Variants in TDRD9 observed in about 807,000 individuals in gnomAD.
TDRD9 encodes the protein ATP-dependent RNA helicase TDRD9.
Under a neutral mutation model 172.6 loss-of-function variants are expected in TDRD9, and 124 were observed. The ratio of observed to expected loss-of-function variants is 0.72; its 90% CI spans 0.62 to 0.83. TDRD9 has a LOEUF of 0.83. Among genes scored for constraint, TDRD9 ranks in the 40% least tolerant of loss-of-function variants. The pLI, the probability that TDRD9 is intolerant of heterozygous loss-of-function variation, is 0.00. For missense variants in TDRD9, 1,479 were observed against 1,714.1 expected (o/e 0.86, Z 2.42); for synonymous variants, 619 against 617.1 (o/e 1.00, Z -0.05).
At chr14:103,952,284 A>G (rs1345649931) in intron 1 of TDRD9, among the ~76,000 whole-genome samples, 4 of 110,800 alleles carry the variant, frequency 3.6e-5, no homozygotes, top group Middle Eastern at 0.01. Context: ...TCGTTCGCCC[A>G]GGCTGGAGTG....
rs556064065 is a variant in TDRD9 at position 103,947,482 on chromosome 14, C to T, written c.216-8182C>T. 2.2e-3 allele frequency among the ~76,000 whole-genome samples: 339 copies of T among 152,200 alleles called. 2 individuals carry two copies. The highest frequency in any genetic ancestry group is 7.9e-3 in the African/African-American group (327 of 41,518). On this transcript the variant is annotated intron_variant, in intron 1 of 35. Coordinates refer to ENST00000409874, the MANE Select transcript of TDRD9 (RefSeq NM_153046.3). ...AGCTGGGACTACAGGCGCCCGCCAC[C>T]ACGCCCGGCTAATTTTTTTGTATTT... is the stretch of plus-strand genomic sequence containing the variant.
chr14:103,943,422 A>G (rs4906389), intron 1 of TDRD9, among the ~76,000 whole-genome samples: 64,725 of 150,178 alleles, frequency 0.43, 14,182 homozygotes, highest in Admixed American at 0.51. Flanking sequence ...TATACACATA[A>G]GTATATATAC....
intron 7 of TDRD9, among the ~76,000 whole-genome samples, chr14:103,978,660 G>A (rs1333187340): frequency 2.6e-5 from 4 of 152,112 alleles, no homozygotes; most frequent in Non-Finnish European, 5.9e-5. Flanking sequence ...TTTTTCTCAT[G>A]GTTAAACTGA....
chr14:104,031,543 G>T (rs1252058118), intron 29 of TDRD9, among the ~76,000 whole-genome samples: 1 of 147,028 alleles, frequency 6.8e-6, no homozygotes, highest in Admixed American at 6.9e-5. Flanking sequence ...AGCACAGCGT[G>T]TGGGTTCAGA....
chr14:103,939,732 TGAAAAAAA>T (rs2031071361), intron 1 of TDRD9: 1 of 106,326 alleles, frequency 9.4e-6, no homozygotes, highest in Non-Finnish European at 1.9e-5. Context: ...CTAGTCTTTT[TGAAAAAAA>T]GTGTTTTTTT....
chr14:103,943,515 CTT>C lies in TDRD9; in HGVS notation c.216-12134_216-12133del, dbSNP rs71462605. ...CATATATACACACACACATACATTT[CTT>C]TTTTTTTTTTTTTTGTAGAAATAAG... On this transcript the variant is annotated intron_variant, in intron 1 of 35. Transcript: ENST00000409874. 2.3e-4 allele frequency among the ~76,000 whole-genome samples: 30 copies of C among 133,250 alleles called. No homozygotes were observed. In the East Asian group the frequency reaches 2.8e-3, roughly 12 times the overall value. The allele number at this position is 133,250 out of a possible 152,430, so 87.4% of individuals were successfully genotyped here.
intron 8 of TDRD9, among the ~76,000 whole-genome samples, chr14:103,988,955 A>G (rs2033774302): frequency 6.6e-6 from 1 of 151,788 alleles, no homozygotes; most frequent in Non-Finnish European, 1.5e-5. Context: ...TACCTTTACC[A>G]GTTCTCTTTC....
intron 29 of TDRD9, among the ~76,000 whole-genome samples, chr14:104,031,711 G>A (rs1027630140): frequency 6.6e-6 from 1 of 151,940 alleles, no homozygotes. Context: ...CTGTGCAACT[G>A]GGTTGGTCTG....
chr14:104,004,334 T>C lies in TDRD9; in HGVS notation c.1580T>C (p.Leu527Ser). 1 of 1,537,696 alleles carries C rather than the reference T, an allele frequency of 6.5e-7. No individual in the cohort carries two copies. Among genetic ancestry groups the C allele is most frequent in the Non-Finnish European group, 9.0e-7 (1 of 1,115,244 alleles). ...CCTGATCATGTTGTTCCTGAGATGT[T>C]GGTAATTCACTTTGGTCATTGTCAA... ...SIPDHVVPEM[L>S]RCPLGSTILK... Residue 527 changes from leucine to serine, a missense_variant and splice_region_variant, in exon 14 of 36, where the codon TTG (leucine) becomes TCG (serine). Physicochemically the swap from Leu to Ser is moderately radical, Grantham distance 145 (BLOSUM62 -2). Transcript: ENST00000409874.
At chr14:104,045,158 AG>A (rs1414959150) in intron 34 of TDRD9, among the ~76,000 whole-genome samples, 1 of 147,884 alleles carries the variant, frequency 6.8e-6, no homozygotes, top group Non-Finnish European at 1.5e-5. Flanking sequence ...AAAAAAAAAA[AG>A]GAAATAGCCA....
chr14:103,965,594 G>A (rs2032706351), intron 4 of TDRD9, 40 bp downstream of exon 4: 5 of 1,494,338 alleles, frequency 3.3e-6, no homozygotes, highest in African/African-American at 1.4e-5. Context: ...AGAGCCAGCT[G>A]TCTCTCTATT....
Position 104,004,248 on chromosome 14 carries a change from A to G in TDRD9, c.1494A>G (p.Gly498=), listed in dbSNP as rs1028920764. Residue 498 remains glycine (G), a synonymous_variant, in exon 14 of 36, where the codon GGA becomes GGG. Transcript: ENST00000409874. The part of the protein sequence containing the change: ...TSCNQRKGRA[G]RVSRGYCYRL... The stretch of plus-strand genomic sequence containing the variant: ...ATCTCTCCTTTGAAGGCCGTGCTGG[A>G]CGAGTGTCTAGAGGGTACTGTTACC... 3 of 1,582,136 alleles carry G rather than the reference A, an allele frequency of 1.9e-6. No individual in the cohort carries two copies. Among genetic ancestry groups the G allele is most frequent in the Non-Finnish European group, 2.6e-6 (3 of 1,156,632 alleles).
At chr14:103,974,439 G>T (rs1253182465) in intron 6 of TDRD9, among the ~76,000 whole-genome samples, 1 of 152,028 alleles carries the variant, frequency 6.6e-6, no homozygotes, top group Non-Finnish European at 1.5e-5. Context: ...TTTCATATTT[G>T]CTTTTTGACA....
rs367668064 is a variant in TDRD9 at position 103,994,315 on chromosome 14, A to G, written c.1181-17A>G. ...ACAAACATGTTTATTTCCCTCCTCC[A>G]CTTTTTTCTTCCCTAGGTCTGGGTG... is the stretch of plus-strand genomic sequence containing the variant. On this transcript the variant is annotated splice_polypyrimidine_tract_variant and intron_variant, in intron 9 of 35. Transcript: ENST00000409874. The G allele has an allele frequency of 7.0e-4, 1,125 of 1,610,340 alleles. 1 individual carries two copies. Among genetic ancestry groups the G allele is most frequent in the South Asian group, 1.0e-3 (92 of 90,878 alleles).
chr14:103,987,122 A>T (rs1207063720), intron 8 of TDRD9, among the ~76,000 whole-genome samples: 2 of 129,052 alleles, frequency 1.5e-5, no homozygotes, highest in Non-Finnish European at 3.2e-5. Context: ...CAAAAAATAT[A>T]TACACACACA....
intron 13 of TDRD9, among the ~76,000 whole-genome samples, chr14:103,999,817 G>A (rs955635698): frequency 2.0e-5 from 3 of 152,070 alleles, no homozygotes; most frequent in Non-Finnish European, 2.9e-5. Flanking sequence ...TAACGTACAT[G>A]GTGTGTTAAT....
chr14:104,017,246 G>C (rs1483230840), intron 22 of TDRD9, among the ~76,000 whole-genome samples: 1 of 152,018 alleles, frequency 6.6e-6, no homozygotes, highest in Non-Finnish European at 1.5e-5. Context: ...AGAGAGCCTA[G>C]TCTGGGGGCC....
chr14:103,987,123 T>TACACACACAC (rs143714763), intron 8 of TDRD9, among the ~76,000 whole-genome samples: 79 of 145,800 alleles, frequency 5.4e-4, no homozygotes, highest in Middle Eastern at 3.5e-3. Context: ...AAAAAATATA[T>TACACACACAC]ACACACACAC....
chr14:103,952,346 A>G (rs1344761115), intron 1 of TDRD9, among the ~76,000 whole-genome samples: 3 of 141,426 alleles, frequency 2.1e-5, no homozygotes, highest in Non-Finnish European at 4.5e-5. Context: ...GTTCACGCCA[A>G]TCTTCCTGCC....
Sources: allele counts gnomAD v4.1 joint callset (sites outside exome capture counted in the v4.1 genomes callset), GRCh38; gene constraint gnomAD v4.1.1; transcripts MANE v1.5; gene names NCBI Gene and HGNC (gene_info 2026-07-23, HGNC 2026-07-21).